GPC6: variants seen among roughly 807,000 people sequenced by gnomAD.
GPC6 encodes the protein glypican 6.
A neutral mutation model predicts 55.2 loss-of-function variants in GPC6; 14 were observed. The observed-to-expected ratio is 0.25, with a 90% CI of 0.17 to 0.40. The LOEUF is 0.40. Among genes scored for constraint, GPC6 ranks in the 10% least tolerant of loss-of-function variants. The pLI, the probability that GPC6 is intolerant of heterozygous loss-of-function variation, is 1.00. For synonymous variants in GPC6, 278 were observed against 259.6 expected (o/e 1.07, Z -0.68); for missense variants, 641 against 708.5 (o/e 0.90, Z 1.08).
intron 1 of GPC6, among the ~76,000 whole-genome samples, chr13:93,373,954 T>G (rs892668093): frequency 6.6e-6 from 1 of 152,214 alleles, no homozygotes; most frequent in Non-Finnish European, 1.5e-5. Context: ...TCAAATGTCC[T>G]GAGCCCTGTA....
chr13:93,753,154 A>G (rs368387469), intron 2 of GPC6, among the ~76,000 whole-genome samples: 1 of 152,192 alleles, frequency 6.6e-6, no homozygotes, highest in African/African-American at 2.4e-5. Flanking sequence ...CATGATTGAC[A>G]CAGTAAGAGA....
At chr13:93,653,137 T>C (rs1317440894) in intron 2 of GPC6, among the ~76,000 whole-genome samples, 2 of 152,220 alleles carry the variant, frequency 1.3e-5, no homozygotes, top group Non-Finnish European at 2.9e-5. Context: ...GCTGTCAGAA[T>C]ATGATGAATG....
At chr13:93,295,290 C>CAAAAA (rs67379652) in intron 1 of GPC6, among the ~76,000 whole-genome samples, 3 of 66,684 alleles carry the variant, frequency 4.5e-5, no homozygotes, top group African/African-American at 2.3e-4. Context: ...GACCCTGTCT[C>CAAAAA]AAAAAAAAAA....
At chr13:93,811,972 A>G (rs1191029319) in intron 2 of GPC6, among the ~76,000 whole-genome samples, 1 of 152,106 alleles carries the variant, frequency 6.6e-6, no homozygotes. Flanking sequence ...CTTGGCACCA[A>G]CGTATATCAA....
At chr13:93,256,145 G>T (rs1022469633) in intron 1 of GPC6, among the ~76,000 whole-genome samples, 2 of 148,588 alleles carry the variant, frequency 1.3e-5, no homozygotes, top group Admixed American at 6.7e-5. Context: ...ACTCCAGCCT[G>T]GGCGACAGAG....
At chr13:93,895,253 T>C in intron 3 of GPC6, among the ~76,000 whole-genome samples, 1 of 84,366 alleles carries the variant, frequency 1.2e-5, no homozygotes, top group African/African-American at 3.1e-5. Context: ...TATATATATA[T>C]ATATATATAT....
At chr13:93,534,621 C>A (rs181483978) in intron 1 of GPC6, among the ~76,000 whole-genome samples, 1 of 152,274 alleles carries the variant, frequency 6.6e-6, no homozygotes, top group East Asian at 1.9e-4. Context: ...AATCACATTT[C>A]TGCTGTCACC....
intron 5 of GPC6, among the ~76,000 whole-genome samples, chr13:94,288,515 G>T (rs924408106): frequency 6.6e-5 from 10 of 151,384 alleles, no homozygotes; most frequent in African/African-American, 2.4e-4. Flanking sequence ...TGCATTATCT[G>T]GCCCCTGCCT....
intron 1 of GPC6, among the ~76,000 whole-genome samples, chr13:93,234,836 C>T (rs1566534946): frequency 6.6e-6 from 1 of 151,930 alleles, no homozygotes; most frequent in African/African-American, 2.4e-5. Flanking sequence ...GGAGACAAAA[C>T]TCAATATCAT....
intron 4 of GPC6, among the ~76,000 whole-genome samples, chr13:94,137,522 A>G (rs754816997): frequency 1.3e-5 from 2 of 152,220 alleles, no homozygotes; most frequent in Non-Finnish European, 2.9e-5. Context: ...AACTAAAAGC[A>G]AGAAAGACTT....
chr13:93,693,752 G>A (rs1254952505), intron 2 of GPC6, among the ~76,000 whole-genome samples: 1 of 152,110 alleles, frequency 6.6e-6, no homozygotes, highest in African/African-American at 2.4e-5. Context: ...CTCCCAAATT[G>A]TTGGGATTAC....
intron 2 of GPC6, among the ~76,000 whole-genome samples, chr13:93,581,751 A>G (rs1016332094): frequency 6.6e-6 from 1 of 152,158 alleles, no homozygotes; most frequent in African/African-American, 2.4e-5. Context: ...TACAAAACTT[A>G]GTTATATTAA....
chr13:93,311,913 C>T (rs986220470), intron 1 of GPC6, among the ~76,000 whole-genome samples: 1 of 152,056 alleles, frequency 6.6e-6, no homozygotes, highest in African/African-American at 2.4e-5. Flanking sequence ...TTGGGGTAAT[C>T]AGGCAGAAGC....
Position 93,409,693 on chromosome 13 carries a change from T to C in GPC6, c.161-135570T>C, listed in dbSNP as rs115201384. ...CAAGAATAGCTATGGCTAACATTTG[T>C]TGAGCTTTTTCTGTGTGTCAGGCTT... is the stretch of plus-strand genomic sequence containing the variant. On this transcript the variant is annotated intron_variant, in intron 1 of 8. Transcript: ENST00000377047. Among the ~76,000 whole-genome samples, 752 of 152,356 alleles carry C rather than the reference T, an allele frequency of 4.9e-3. 4 individuals are homozygous for C. Among genetic ancestry groups the C allele is most frequent in the African/African-American group, 0.018 (728 of 41,592 alleles).
chr13:93,888,586 A>C (rs1233972083), intron 3 of GPC6, among the ~76,000 whole-genome samples: 2 of 152,182 alleles, frequency 1.3e-5, no homozygotes, highest in South Asian at 2.1e-4. Context: ...CTACCTTGCT[A>C]TCTGAACACC....
intron 2 of GPC6, among the ~76,000 whole-genome samples, chr13:93,633,279 C>A (rs1879538405): frequency 6.6e-6 from 1 of 152,164 alleles, no homozygotes; most frequent in African/African-American, 2.4e-5. Context: ...TCTCATCTTT[C>A]CTTGTCCCAA....
intron 4 of GPC6, among the ~76,000 whole-genome samples, chr13:94,204,887 A>G (rs538160248): frequency 6.6e-6 from 1 of 152,300 alleles, no homozygotes; most frequent in African/African-American, 2.4e-5. Context: ...TCTCTTAGAA[A>G]ACACTTTTCT....
intron 2 of GPC6, among the ~76,000 whole-genome samples, chr13:93,735,766 T>C (rs1883979958): frequency 1.3e-5 from 2 of 152,206 alleles, no homozygotes; most frequent in Admixed American, 6.5e-5. Flanking sequence ...CATTGTATTA[T>C]GGACTATATG....
At chr13:94,188,830 C>G (rs1465663890) in intron 4 of GPC6, among the ~76,000 whole-genome samples, 1 of 152,184 alleles carries the variant, frequency 6.6e-6, no homozygotes, top group Non-Finnish European at 1.5e-5. Flanking sequence ...GACTGAGACT[C>G]AAGCTGCTGA....
Sources: allele counts gnomAD v4.1 joint callset (sites outside exome capture counted in the v4.1 genomes callset), GRCh38; gene constraint gnomAD v4.1.1; transcripts MANE v1.5; gene names NCBI Gene and HGNC (gene_info 2026-07-23, HGNC 2026-07-21).